The following AGBL5 variants were observed in gnomAD, a reference collection of about 807,000 sequenced individuals.
AGBL5 encodes AGBL carboxypeptidase 5, also known as cytosolic carboxypeptidase-like protein 5.
In AGBL5, 51 loss-of-function variants were observed where a neutral mutation model predicts 88.0. That is an observed-to-expected ratio of 0.58 (90% CI 0.46 to 0.73). The LOEUF (loss-of-function observed/expected upper bound fraction) is 0.73. AGBL5 is among the 30% of genes least tolerant of loss of function. The pLI, the probability that AGBL5 is intolerant of heterozygous loss-of-function variation, is 0.00. For missense variants in AGBL5, 1,031 were observed against 1,162.2 expected (o/e 0.89, Z 1.64); for synonymous variants, 446 against 438.8 (o/e 1.02, Z -0.21).
Position 27,058,600 on chromosome 2 carries a change from C to A in AGBL5, c.1872C>A (p.His624Gln), listed in dbSNP as rs1241372562. 6.2e-7 allele frequency: 1 copy of A among 1,613,910 alleles called. No homozygotes were observed. The highest frequency in any genetic ancestry group is 1.3e-5 in the African/African-American group (1 of 75,028). ...KRGLRTPPKSHNGLPVSCSEN... is the reference protein window; with the variant it reads ...KRGLRTPPKSQNGLPVSCSEN... ...GCCTTCGAACTCCACCCAAAAGTCACAAGTAAGGCCAGCAAAATAGGAGGG... is the reference window on the plus strand; with the variant it reads ...GCCTTCGAACTCCACCCAAAAGTCAAAAGTAAGGCCAGCAAAATAGGAGGG... The change falls in exon 10 of 15, where the codon CAC becomes CAA. Residue 624 changes from histidine (H) to glutamine (Q), a missense_variant and splice_region_variant. Physicochemically the swap from His to Gln is conservative, Grantham distance 24. Coordinates refer to ENST00000360131, the MANE Select transcript of AGBL5 (RefSeq NM_021831.6).
At chr2:27,068,136 T>G (rs921038186) in intron 12 of AGBL5, among the ~76,000 whole-genome samples, 2 of 152,204 alleles carry the variant, frequency 1.3e-5, no homozygotes, top group East Asian at 3.8e-4. Flanking sequence ...AAGACTCTAG[T>G]CCAACATGTT....
In AGBL5 at chr2:27,053,423, C is replaced by A. The variant is rs776547429; in HGVS notation, c.237C>A (p.Val79=). ...NGNRSWFYFS[V]RGGMPGKLIK... ...TCAGGTCATGGTTCTACTTCAGCGT[C>A]CGGGGAGGAATGCCAGGAAAACTCA... Residue 79 remains valine, a synonymous_variant, in exon 3 of 15, where the codon GTC becomes GTA. Transcript: ENST00000360131. This position sits in a 1 kb window ranked among gnomAD's most constrained non-coding sequence, Gnocchi z 4.9. 4 of 1,614,114 alleles carry A rather than the reference C, an allele frequency of 2.5e-6. No homozygotes were observed. The East Asian group carries it at 6.7e-5, about 27-fold the overall frequency.
chr2:27,050,810 G>A (rs1204022417), upstream of AGBL5, among the ~76,000 whole-genome samples: 4 of 152,232 alleles, frequency 2.6e-5, no homozygotes, highest in Non-Finnish European at 4.4e-5. Flanking sequence ...GTAGAGCGGA[G>A]GACTGTAGTG....
At chr2:27,061,706 A>C (rs555054427) in intron 11 of AGBL5, 2 of 152,170 alleles carry the variant, frequency 1.3e-5, no homozygotes, top group East Asian at 1.9e-4. Context: ...CTCTTAACTC[A>C]TAGTTCCTGG....
intron 8 of AGBL5, chr2:27,057,018 A>G (rs1189842265): frequency 1.8e-6 from 1 of 562,962 alleles, no homozygotes; most frequent in Non-Finnish European, 3.0e-6. Flanking sequence ...AAAAAACAAC[A>G]CCCAGTTCAG....
intron 8 of AGBL5, 118 bp downstream of exon 8, chr2:27,056,910 C>T (rs1307129487): frequency 1.4e-5 from 17 of 1,198,770 alleles, no homozygotes; most frequent in Admixed American, 5.3e-5. Context: ...GCAGGAGAAT[C>T]GCTTGAACCT....
In AGBL5 at chr2:27,054,697, C is replaced by G. The variant is rs775156819; in HGVS notation, c.619C>G (p.Leu207Val). 5.6e-6 allele frequency: 9 copies of G among 1,613,872 alleles called. No individual in the cohort carries two copies. The highest frequency in any genetic ancestry group is 6.8e-6 in the Non-Finnish European group (8 of 1,179,960). Residue 207 changes from leucine (L) to valine (V), a missense_variant, in exon 5 of 15, where the codon CTG becomes GTG. Transcript: ENST00000360131. ...TTCTCTGGATGGACTTCGTGTAGAT[C>G]TGCTGACGATCACTTCCTGCCATGG... is the stretch of plus-strand genomic sequence containing the variant. ...CYSLDGLRVDLLTITSCHGLR... is the reference protein window; with the variant it reads ...CYSLDGLRVDVLTITSCHGLR...
upstream of AGBL5, among the ~76,000 whole-genome samples, chr2:27,051,190 A>C (rs1184889373): frequency 6.6e-6 from 1 of 152,172 alleles, no homozygotes; most frequent in East Asian, 1.9e-4. Context: ...CTGTAAGGCA[A>C]AGGGAAAGAA....
intron 1 of AGBL5, 47 bp from the exon 2 acceptor site, chr2:27,052,866 G>T (rs1668234464): frequency 1.7e-6 from 2 of 1,189,734 alleles, no homozygotes; most frequent in Non-Finnish European, 2.3e-6. Flanking sequence ...AAAACTCTTC[G>T]ATTTGTCTTC....
intron 7 of AGBL5, 180 bp downstream of exon 7, chr2:27,056,318 A>T: frequency 1.5e-6 from 1 of 656,150 alleles, no homozygotes; most frequent in South Asian, 2.1e-5. Context: ...TAATGTCTCA[A>T]TTGTTACATC....
In AGBL5 at chr2:27,070,328, G is replaced by T; in HGVS notation, c.*65G>T. ...TGGGGTAACAGTGGGAAATATGCTA[G>T]TTCCCCTCCAGGCCGCTGATTCCAT... On this transcript the variant is annotated 3_prime_UTR_variant, in exon 15 of 15. Coordinates refer to ENST00000360131, the MANE Select transcript of AGBL5 (RefSeq NM_021831.6). The T allele has an allele frequency of 2.6e-6, 4 of 1,520,704 alleles. No individual in the cohort carries two copies. Among genetic ancestry groups the T allele is most frequent in the South Asian group, 1.1e-5 (1 of 87,464 alleles). The allele number at this position is 1,520,704 out of a possible 1,614,324, so 94.2% of individuals were successfully genotyped here.
Position 27,052,943 on chromosome 2 carries a change from C to T in AGBL5, c.-16C>T. ...AGGGCCAGAGCGGGGCAGGAGGATGCTTTCCCAGCCCCACCATGGAGCTGC... is the reference window on the plus strand; with the variant it reads ...AGGGCCAGAGCGGGGCAGGAGGATGTTTTCCCAGCCCCACCATGGAGCTGC... On this transcript the variant is annotated 5_prime_UTR_variant, in exon 2 of 15. Coordinates refer to ENST00000360131, the MANE Select transcript of AGBL5 (RefSeq NM_021831.6). The T allele has an allele frequency of 6.3e-7, 1 of 1,576,224 alleles. No homozygotes were observed. The highest frequency in any genetic ancestry group is 8.7e-7 in the Non-Finnish European group (1 of 1,154,948).
At chr2:27,059,126 C>G in intron 10 of AGBL5, 64 bp from the exon 11 acceptor site, 1 of 1,499,698 alleles carries the variant, frequency 6.7e-7, no homozygotes, top group African/African-American at 1.4e-5. Flanking sequence ...AGCAGCAGAT[C>G]CTAGGGAAAG....
intron 11 of AGBL5, among the ~76,000 whole-genome samples, chr2:27,064,056 TCTAAA>T (rs984809537): frequency 9.2e-5 from 14 of 152,084 alleles, no homozygotes; most frequent in African/African-American, 3.4e-4. Context: ...TCTCAAATTA[TCTAAA>T]CTATTTCCTC....
intron 11 of AGBL5, chr2:27,062,413 A>C (rs1668759069): frequency 6.6e-6 from 1 of 152,334 alleles, no homozygotes; most frequent in East Asian, 1.9e-4. Flanking sequence ...GGCATGAGCC[A>C]TGGCGTCCGG....
rs1414278279 is a variant in AGBL5, at chr2:27,058,479, G to A, written c.1751G>A (p.Ser584Asn). Residue 584 changes from serine to asparagine, a missense_variant, in exon 10 of 15, where the codon AGC becomes AAC. Ser to Asn is a conservative substitution (Grantham distance 46). Around this residue, in one of 2 missense-constraint regions of AGBL5, gnomAD observed 491 missense variants for 484.0 expected, o/e 1.01. Transcript: ENST00000360131. ...CCCCGAATTGTACTGTCAGAGCACA[G>A]CAGCCTTACTAATCTACGGGCCTGG... is the stretch of plus-strand genomic sequence containing the variant. ...PWPRIVLSEH[S>N]SLTNLRAWML... The A allele has an allele frequency of 6.2e-7, 1 of 1,614,056 alleles. No individual in the cohort carries two copies. Among genetic ancestry groups the A allele is most frequent in the South Asian group, 1.1e-5 (1 of 91,088 alleles).
Position 27,056,006 on chromosome 2 carries a change from G to A in AGBL5, c.1233G>A (p.Gly411=). The A allele has an allele frequency of 6.2e-7, 1 of 1,614,232 alleles. No individual in the cohort carries two copies. Among genetic ancestry groups the A allele is most frequent in the Non-Finnish European group, 8.5e-7 (1 of 1,180,046 alleles). The change falls in exon 7 of 15, where the codon GGG becomes GGA. Residue 411 remains glycine (G), a synonymous_variant. Coordinates refer to ENST00000360131, the MANE Select transcript of AGBL5 (RefSeq NM_021831.6). ...GGATTATGCCACAACAGTCTGCGGG[G>A]CTTGAAGAGTCAGCCCCTGATACCA... The part of the protein sequence containing the change: ...SVWIMPQQSA[G]LEESAPDTIP...
At chr2:27,056,266 T>C (rs1668429617) in intron 7 of AGBL5, 128 bp downstream of exon 7, 5 of 998,554 alleles carry the variant, frequency 5.0e-6, no homozygotes, top group Non-Finnish European at 7.3e-6. Flanking sequence ...AGACTACCTC[T>C]GAAAAAGCTT....
At chr2:27,069,235 G>A (rs763943860) in intron 13 of AGBL5, 75 of 1,348,252 alleles carry the variant, frequency 5.6e-5, no homozygotes, top group Non-Finnish European at 7.1e-5. Flanking sequence ...AGGGGCTAAA[G>A]CATAGAGGGC....
Sources: gnomAD v4.1 joint callset for allele counts (sites outside exome capture counted in the v4.1 genomes callset) on GRCh38, gnomAD v4.1.1 for gene constraint, gnomAD v4.1.1 regional missense constraint, Gnocchi (gnomAD v3.1) non-coding constraint, MANE v1.5 for transcripts, NCBI Gene and HGNC (gene_info 2026-07-23, HGNC 2026-07-21) for gene names.